Variants in KANK1 observed in about 807,000 individuals in gnomAD.
KANK1 encodes the protein KN motif and ankyrin repeat domains 1, also known as KN motif and ankyrin repeat domain-containing protein 1.
KANK1 carries 109 observed loss-of-function variants against 106.2 expected under a neutral mutation model. The ratio of observed to expected loss-of-function variants is 1.03; its 90% CI spans 0.88 to 1.20. The LOEUF is 1.20. KANK1 is among the 50% of genes most tolerant of loss of function. The probability of loss-of-function intolerance (pLI) is 0.00; values close to 1 mark genes in which losing one functional copy is unlikely to be tolerated. For synonymous variants in KANK1, 873 were observed against 652.2 expected (o/e 1.34, Z -5.16); for missense variants, 2,399 against 1,710.7 (o/e 1.40, Z -7.10).
At chr9:502,392 A>T (rs2058571681), upstream of KANK1, among the ~76,000 whole-genome samples, 1 of 152,200 alleles carries the variant, frequency 6.6e-6, no homozygotes, top group African/African-American at 2.4e-5. Context: ...TAAATCCACT[A>T]AAAATTCAGA....
At chr9:586,712 A>G (rs192220673) in intron 1 of KANK1, among the ~76,000 whole-genome samples, 1 of 152,314 alleles carries the variant, frequency 6.6e-6, no homozygotes, top group Admixed American at 6.5e-5. Flanking sequence ...ACGGAGGAGG[A>G]GAACAGAACA....
At chr9:596,440 T>C (rs1826228174) in intron 1 of KANK1, among the ~76,000 whole-genome samples, 1 of 151,830 alleles carries the variant, frequency 6.6e-6, no homozygotes. Flanking sequence ...GGCTGTCCTC[T>C]GAGCCCCTAT....
intron 1 of KANK1, among the ~76,000 whole-genome samples, chr9:614,412 T>A (rs1831308456): frequency 6.6e-6 from 1 of 152,194 alleles, no homozygotes; most frequent in Non-Finnish European, 1.5e-5. Flanking sequence ...TGAAAAAGAT[T>A]TATTTTTAAA....
chr9:473,942 C>T (rs539219017), intron 3 of KANK1, among the ~76,000 whole-genome samples: 9 of 149,964 alleles, frequency 6.0e-5, no homozygotes, highest in African/African-American at 2.0e-4. Flanking sequence ...TTGTGATCTG[C>T]CCACCTCGGC....
At chr9:660,106 C>T (rs1047903883) in intron 1 of KANK1, 1 of 434,154 alleles carries the variant, frequency 2.3e-6, no homozygotes, top group Middle Eastern at 8.4e-4. Context: ...AGAGAAATGG[C>T]AGGAAGACCC....
At chr9:571,768 C>T (rs1819239104) in intron 1 of KANK1, among the ~76,000 whole-genome samples, 1 of 152,046 alleles carries the variant, frequency 6.6e-6, no homozygotes, top group South Asian at 2.1e-4. Context: ...TATGTTCTGT[C>T]ATTTATCAGA....
At chr9:507,395 C>T (rs1301253909) in intron 1 of KANK1, among the ~76,000 whole-genome samples, 1 of 151,990 alleles carries the variant, frequency 6.6e-6, no homozygotes, top group Non-Finnish European at 1.5e-5. Flanking sequence ...ATATCCCACA[C>T]CCCCAGCCCT....
chr9:543,372 A>G (rs1459447412), intron 1 of KANK1, among the ~76,000 whole-genome samples: 1 of 152,014 alleles, frequency 6.6e-6, no homozygotes, highest in African/African-American at 2.4e-5. Flanking sequence ...CCTGGCCAAC[A>G]TGGTGAAACC....
At chr9:534,530 A>C (rs2060208370) in intron 1 of KANK1, among the ~76,000 whole-genome samples, 1 of 152,254 alleles carries the variant, frequency 6.6e-6, no homozygotes, top group Admixed American at 6.5e-5. Context: ...TCTTTGAAAC[A>C]TACCAGCAGA....
At chr9:558,416 A>G (rs187273717) in intron 1 of KANK1, among the ~76,000 whole-genome samples, 45 of 152,346 alleles carry the variant, frequency 3.0e-4, no homozygotes, top group Middle Eastern at 6.8e-3. Context: ...CTCTGGTTAT[A>G]ACGATTTTGT....
In KANK1 at chr9:707,206, G is replaced by A. The variant is rs973173186; in HGVS notation, c.38-3598G>A. On this transcript the variant is annotated intron_variant, in intron 2 of 11. Transcript: ENST00000382297. ...CCGGCTGAGCTGGAGCGAGCTGTGCGGGGCAGCGCGGGCTGGCGGGGAGCG... is the reference window on the plus strand; with the variant it reads ...CCGGCTGAGCTGGAGCGAGCTGTGCAGGGCAGCGCGGGCTGGCGGGGAGCG... 4.1e-6 allele frequency: 4 copies of A among 986,064 alleles called. No individual in the cohort carries two copies. In the Admixed American group the frequency reaches 1.8e-4, roughly 45 times the overall value. 61.1% of individuals were successfully genotyped at this position (986,064 alleles called of 1,614,324 possible).
chr9:697,062 C>T (rs1302356030), intron 2 of KANK1, among the ~76,000 whole-genome samples: 4 of 150,082 alleles, frequency 2.7e-5, no homozygotes, highest in African/African-American at 7.4e-5. Flanking sequence ...AACATTTTAC[C>T]GTATTTGTTC....
At chr9:622,092 G>C (rs1179182849) in intron 1 of KANK1, among the ~76,000 whole-genome samples, 1 of 152,146 alleles carries the variant, frequency 6.6e-6, no homozygotes, top group Non-Finnish European at 1.5e-5. Context: ...TTCGTTTGTT[G>C]TGTCATGGGA....
Position 740,896 on chromosome 9 carries a change from C to G in KANK1, c.3658C>G (p.Leu1220Val). 6.2e-7 allele frequency: 1 copy of G among 1,614,118 alleles called. No homozygotes were observed. The highest frequency in any genetic ancestry group is 8.5e-7 in the Non-Finnish European group (1 of 1,180,020). ...AEKDMRIVEELFGCGDVNAKA... is the reference protein window; with the variant it reads ...AEKDMRIVEEVFGCGDVNAKA... ...GAAGGACATGCGGATTGTGGAAGAA[C>G]TCTTCGGCTGTGGGGATGTGAATGC... Residue 1220 changes from leucine to valine, a missense_variant, in exon 9 of 12, where the codon CTC becomes GTC. By Grantham distance (32) the Leu-to-Val change is conservative. Coordinates refer to ENST00000382297, the MANE Select transcript of KANK1 (RefSeq NM_015158.5).
chr9:653,413 A>G (rs540930598), intron 1 of KANK1, among the ~76,000 whole-genome samples: 1 of 152,216 alleles, frequency 6.6e-6, no homozygotes, highest in Admixed American at 6.5e-5. Flanking sequence ...TTTCCAGGTA[A>G]GAGAATTTTT....
chr9:667,370 T>G (rs540696252), intron 1 of KANK1, among the ~76,000 whole-genome samples: 24 of 152,166 alleles, frequency 1.6e-4, no homozygotes, highest in Non-Finnish European at 3.2e-4. Flanking sequence ...AACTTTTGTT[T>G]TGTTGATCTT....
At chr9:547,657 G>A (rs936239425) in intron 1 of KANK1, among the ~76,000 whole-genome samples, 5 of 151,504 alleles carry the variant, frequency 3.3e-5, no homozygotes, top group Admixed American at 6.6e-5. Context: ...TCTTTCACAT[G>A]GTTTCAAAGA....
At chr9:742,461 G>C (rs974624420) in intron 10 of KANK1, 56 bp downstream of exon 10, 2 of 1,424,398 alleles carry the variant, frequency 1.4e-6, no homozygotes, top group Admixed American at 2.0e-5. Flanking sequence ...CTGGACGGGA[G>C]CTCTGGGAGT....
chr9:598,695 ACCTCGGCTCACTGCAACCT>A (rs141440371), intron 1 of KANK1, among the ~76,000 whole-genome samples: 3,926 of 116,664 alleles, frequency 0.034, 230 homozygotes, highest in African/African-American at 0.12. Context: ...CGGTGGCACG[ACCTCGGCTCACTGCAACCT>A]CCTCCTCCTG....
Sources: gnomAD v4.1 joint callset for allele counts (sites outside exome capture counted in the v4.1 genomes callset) on GRCh38, gnomAD v4.1.1 for gene constraint, MANE v1.5 for transcripts, NCBI Gene and HGNC (gene_info 2026-07-23, HGNC 2026-07-21) for gene names.